Variants in CCDC178 observed in about 807,000 individuals in gnomAD.
The protein encoded by CCDC178 is coiled-coil domain containing 178, also known as coiled-coil domain-containing protein 178.
Under a neutral mutation model 117.4 loss-of-function variants are expected in CCDC178, and 126 were observed. That is an observed-to-expected ratio of 1.07 (90% CI 0.93 to 1.24). The LOEUF (loss-of-function observed/expected upper bound fraction) is 1.24. Among genes scored for constraint, CCDC178 ranks in the 50% most tolerant of loss-of-function variants. The pLI, the probability that CCDC178 is intolerant of heterozygous loss-of-function variation, is 0.00. For synonymous variants in CCDC178, 283 were observed against 313.4 expected, an observed-to-expected ratio of 0.90 and a Z score of 1.02; for missense variants, 1,030 against 986.9, an observed-to-expected ratio of 1.04 and a Z score of -0.59.
chr18:33,322,271 A>G (rs1025673450), intron 11 of CCDC178, among the ~76,000 whole-genome samples: 1 of 151,984 alleles, frequency 6.6e-6, no homozygotes, highest in East Asian at 1.9e-4. Context: ...GGGTATTTTA[A>G]AAGTGCAGAT....
intron 2 of CCDC178, among the ~76,000 whole-genome samples, chr18:33,431,213 T>TC (rs2064214899): frequency 6.9e-6 from 1 of 144,286 alleles, no homozygotes; most frequent in East Asian, 2.0e-4. Flanking sequence ...TTTTTTTTTT[T>TC]ACTTTTAACA....
At chr18:33,102,403 A>G (rs964571653) in intron 20 of CCDC178, among the ~76,000 whole-genome samples, 6 of 148,454 alleles carry the variant, frequency 4.0e-5, no homozygotes, top group Non-Finnish European at 8.9e-5. Flanking sequence ...TTAGATACTC[A>G]TGGAGGAGAG....
Position 33,333,421 on chromosome 18 carries a change from G to A in CCDC178, c.659-27C>T, listed in dbSNP as rs763377776. The A allele has an allele frequency of 4.5e-6, 5 of 1,113,742 alleles. No individual in the cohort carries two copies. The South Asian group carries it at 7.7e-5, about 17-fold the overall frequency. The allele number at this position is 1,113,742 out of a possible 1,614,324, so 69.0% of individuals were successfully genotyped here. A position where few individuals can be genotyped will look rare whatever the true frequency, so the allele number is the denominator to read the frequency against. On this transcript the variant is annotated intron_variant, in intron 9 of 22. Coordinates refer to ENST00000383096, the MANE Select transcript of CCDC178 (RefSeq NM_001105528.4). ...TAGATATAGAAGGATAAGAACAAAA[G>A]AAAATCTGATTGGAGGAAATATTTG...
chr18:33,004,169 AC>A (rs1356811321), intron 21 of CCDC178, among the ~76,000 whole-genome samples: 2 of 152,142 alleles, frequency 1.3e-5, no homozygotes, highest in Non-Finnish European at 2.9e-5. Context: ...AATAGAAAAA[AC>A]AATCCTAAAC....
At chr18:33,096,777 A>G (rs1323439119) in intron 20 of CCDC178, among the ~76,000 whole-genome samples, 1 of 152,078 alleles carries the variant, frequency 6.6e-6, no homozygotes, top group African/African-American at 2.4e-5. Context: ...CCACTCTAGT[A>G]TTAGTTATAC....
At chr18:33,192,948 G>T (rs181204611) in intron 20 of CCDC178, among the ~76,000 whole-genome samples, 54 of 148,670 alleles carry the variant, frequency 3.6e-4, no homozygotes, top group Non-Finnish European at 6.8e-4. Context: ...CTAAGACTCA[G>T]TGGAAGCAGA....
chr18:32,963,221 G>C (rs2054743672), intron 22 of CCDC178, among the ~76,000 whole-genome samples: 6 of 151,984 alleles, frequency 3.9e-5, no homozygotes, highest in Admixed American at 3.9e-4. Flanking sequence ...AACAAAACAA[G>C]AATGTCTATT....
At chr18:33,071,217 G>A (rs776652782) in intron 21 of CCDC178, among the ~76,000 whole-genome samples, 9 of 152,140 alleles carry the variant, frequency 5.9e-5, no homozygotes, top group East Asian at 1.9e-4. Flanking sequence ...AAAGGTGGAC[G>A]CATAGAGGAA....
At chr18:33,143,863 T>C (rs1410053758) in intron 20 of CCDC178, among the ~76,000 whole-genome samples, 1 of 152,098 alleles carries the variant, frequency 6.6e-6, no homozygotes, top group Non-Finnish European at 1.5e-5. Context: ...AACCAGGGGA[T>C]TCTTTTCGCC....
intron 12 of CCDC178, among the ~76,000 whole-genome samples, chr18:33,268,616 A>G (rs907727963): frequency 1.3e-5 from 2 of 151,848 alleles, no homozygotes; most frequent in African/African-American, 2.4e-5. Flanking sequence ...TGGGTTTGAC[A>G]GCACATTTTA....
intron 14 of CCDC178, 110 bp from the exon 15 acceptor site, chr18:33,245,538 T>C (rs2059540191): frequency 4.3e-6 from 5 of 1,149,488 alleles, no homozygotes; most frequent in Non-Finnish European, 5.7e-6. Context: ...AAATACAAAA[T>C]TGCTGGATAA....
chr18:33,293,385 G>A lies in CCDC178; in HGVS notation c.1023-73C>T, dbSNP rs1599117313. 1.1e-5 allele frequency: 10 copies of A among 949,370 alleles called. No homozygotes were observed. The East Asian group carries it at 2.5e-4, about 24-fold the overall frequency. The allele number at this position is 949,370 out of a possible 1,614,324, so 58.8% of individuals were successfully genotyped here. ...ATATTTTAAATTATACTTAGGCCAG[G>A]CTTGGTGGCTCATGCCTGTAATCTC... On this transcript the variant is annotated intron_variant, in intron 11 of 22. Transcript: ENST00000383096.
chr18:33,259,950 T>C (rs547822515), intron 14 of CCDC178, among the ~76,000 whole-genome samples: 2 of 152,326 alleles, frequency 1.3e-5, no homozygotes, highest in South Asian at 4.1e-4. Context: ...AACATTTTAT[T>C]GAAGTAGAAC....
At chr18:33,032,172 T>C (rs937800526) in intron 21 of CCDC178, among the ~76,000 whole-genome samples, 2 of 152,152 alleles carry the variant, frequency 1.3e-5, no homozygotes, top group Non-Finnish European at 2.9e-5. Context: ...TGTTTTTTCA[T>C]GGTTGTGTCT....
At chr18:33,354,336 T>G (rs980065427) in intron 7 of CCDC178, among the ~76,000 whole-genome samples, 1 of 152,292 alleles carries the variant, frequency 6.6e-6, no homozygotes, top group South Asian at 2.1e-4. Context: ...TTCATCAAAT[T>G]GAAGAGTTTC....
At chr18:33,044,953 C>A (rs184756988) in intron 21 of CCDC178, among the ~76,000 whole-genome samples, 1 of 151,922 alleles carries the variant, frequency 6.6e-6, no homozygotes, top group Non-Finnish European at 1.5e-5. Flanking sequence ...TCAATGGGAG[C>A]CAAACAATGG....
intron 5 of CCDC178, among the ~76,000 whole-genome samples, chr18:33,386,414 A>T (rs1017487889): frequency 2.6e-5 from 4 of 151,840 alleles, no homozygotes; most frequent in Admixed American, 6.6e-5. Context: ...CAAAAACAAC[A>T]ACAACAACAA....
chr18:33,289,643 A>G (rs2060143039), intron 12 of CCDC178, among the ~76,000 whole-genome samples: 2 of 152,162 alleles, frequency 1.3e-5, no homozygotes, highest in South Asian at 4.2e-4. Context: ...AACAACAACA[A>G]AACTTTTTTA....
intron 21 of CCDC178, among the ~76,000 whole-genome samples, chr18:33,016,467 A>T (rs1018346867): frequency 3.9e-5 from 6 of 152,110 alleles, no homozygotes; most frequent in Admixed American, 3.9e-4. Context: ...GTATCTACAC[A>T]GATAGATATA....
Sources: gnomAD v4.1 joint callset for allele counts (sites outside exome capture counted in the v4.1 genomes callset) on GRCh38, gnomAD v4.1.1 for gene constraint, MANE v1.5 for transcripts, NCBI Gene and HGNC (gene_info 2026-07-23, HGNC 2026-07-21) for gene names.